The following ATXN1 variants were observed in gnomAD, a reference collection of about 807,000 sequenced individuals.
The protein encoded by ATXN1 is ataxin 1.
ATXN1 carries 8 observed loss-of-function variants against 56.4 expected under a neutral mutation model. That is an observed-to-expected ratio of 0.14 (90% confidence interval 0.08 to 0.26). ATXN1 has a LOEUF of 0.26. Among genes scored for constraint, ATXN1 ranks in the 10% least tolerant of loss-of-function variants. The pLI is 1.00. For synonymous variants in ATXN1, 514 were observed against 494.6 expected (o/e 1.04, Z -0.52); for missense variants, 987 against 1,106.5 (o/e 0.89, Z 1.53).
At chr6:16,526,062 T>TATATAC (rs1561739864) in intron 4 of ATXN1, among the ~76,000 whole-genome samples, 2 of 90,978 alleles carry the variant, frequency 2.2e-5, no homozygotes, top group East Asian at 5.3e-4. Context: ...TATATATATA[T>TATATAC]ATACATACAT....
chr6:16,646,667 C>T (rs1763802831), intron 3 of ATXN1, among the ~76,000 whole-genome samples: 1 of 152,260 alleles, frequency 6.6e-6, no homozygotes, highest in African/African-American at 2.4e-5. Flanking sequence ...GCCTTGCTCC[C>T]AGCTCTGTCA....
intron 6 of ATXN1, among the ~76,000 whole-genome samples, chr6:16,425,214 C>T (rs1339859976): frequency 6.6e-6 from 1 of 152,226 alleles, no homozygotes; most frequent in Non-Finnish European, 1.5e-5. Context: ...CTCAGGACCC[C>T]TCTGTAGCTA....
At chr6:16,662,138 C>T (rs1017773255) in intron 2 of ATXN1, among the ~76,000 whole-genome samples, 2 of 152,302 alleles carry the variant, frequency 1.3e-5, no homozygotes, top group Middle Eastern at 3.4e-3. Flanking sequence ...AGCACACATA[C>T]ATGGTAGAGG....
chr6:16,443,182 T>C (rs922690494), intron 6 of ATXN1, among the ~76,000 whole-genome samples: 1 of 53,854 alleles, frequency 1.9e-5, no homozygotes, highest in Non-Finnish European at 3.4e-5. Flanking sequence ...ACCCTGTCTC[T>C]AAATAAATAA....
chr6:16,498,595 C>T (rs1581803053), intron 5 of ATXN1, among the ~76,000 whole-genome samples: 2 of 152,212 alleles, frequency 1.3e-5, no homozygotes, highest in East Asian at 3.8e-4. Flanking sequence ...CACCATACTA[C>T]ATTCCCACCA....
intron 5 of ATXN1, among the ~76,000 whole-genome samples, chr6:16,513,349 T>A (rs751791926): frequency 6.6e-6 from 1 of 152,192 alleles, no homozygotes; most frequent in Non-Finnish European, 1.5e-5. Flanking sequence ...CAAAAGAATA[T>A]AGATATCACT....
At chr6:16,318,321 T>G (rs1325584593) in intron 7 of ATXN1, among the ~76,000 whole-genome samples, 1 of 152,218 alleles carries the variant, frequency 6.6e-6, no homozygotes, top group Non-Finnish European at 1.5e-5. Context: ...AATTCTCTCA[T>G]AAGCTAGGTT....
chr6:16,740,114 A>C (rs1760281727), intron 2 of ATXN1, among the ~76,000 whole-genome samples: 1 of 152,144 alleles, frequency 6.6e-6, no homozygotes. Context: ...GTCAAGTCTA[A>C]ATGTGAATCA....
intron 7 of ATXN1, among the ~76,000 whole-genome samples, chr6:16,322,878 T>C (rs1333185849): frequency 6.6e-6 from 1 of 152,246 alleles, no homozygotes; most frequent in African/African-American, 2.4e-5. Flanking sequence ...TGACAAATCA[T>C]TGGTTGCGTC....
intron 6 of ATXN1, among the ~76,000 whole-genome samples, chr6:16,444,115 C>CAA (rs59044073): frequency 7.6e-6 from 1 of 131,366 alleles, no homozygotes. Flanking sequence ...GGCTCCGTCT[C>CAA]AAAAAAAAAA....
At chr6:16,638,978 C>T (rs1763652222) in intron 3 of ATXN1, among the ~76,000 whole-genome samples, 1 of 152,156 alleles carries the variant, frequency 6.6e-6, no homozygotes, top group African/African-American at 2.4e-5. Flanking sequence ...ACTTGGAGAA[C>T]TTTTCTGTCT....
At chr6:16,671,359 A>G (rs1282793169) in intron 2 of ATXN1, among the ~76,000 whole-genome samples, 1 of 150,014 alleles carries the variant, frequency 6.7e-6, no homozygotes, top group Non-Finnish European at 1.5e-5. Flanking sequence ...AGTACAAAAG[A>G]GCTACAAAGT....
At chr6:16,355,995 T>C (rs1761677494) in intron 6 of ATXN1, among the ~76,000 whole-genome samples, 3 of 152,248 alleles carry the variant, frequency 2.0e-5, no homozygotes, top group Non-Finnish European at 4.4e-5. Context: ...ATGCCATTGG[T>C]TGGGCTCGTT....
chr6:16,571,724 G>A (rs1177105319), intron 4 of ATXN1, among the ~76,000 whole-genome samples: 3 of 151,934 alleles, frequency 2.0e-5, no homozygotes, highest in African/African-American at 4.8e-5. Context: ...GTAGTGGTGC[G>A]ATCACAGCTC....
At chr6:16,630,764 G>A (rs546664181) in intron 3 of ATXN1, among the ~76,000 whole-genome samples, 3 of 152,228 alleles carry the variant, frequency 2.0e-5, no homozygotes, top group East Asian at 1.9e-4. Context: ...ATATTAAGAC[G>A]ACATGGCAAT....
chr6:16,418,257 G>A (rs1262844654), intron 6 of ATXN1, among the ~76,000 whole-genome samples: 1 of 152,170 alleles, frequency 6.6e-6, no homozygotes, highest in Non-Finnish European at 1.5e-5. Flanking sequence ...AGTAAATATT[G>A]TTCCTGTGTA....
At chr6:16,508,746 C>T (rs1036690630) in intron 5 of ATXN1, among the ~76,000 whole-genome samples, 25 of 152,266 alleles carry the variant, frequency 1.6e-4, no homozygotes, top group African/African-American at 3.1e-4. Flanking sequence ...AGAATTGCCA[C>T]GTGATCCAGC....
chr6:16,417,098 C>T (rs1381968173), intron 6 of ATXN1, among the ~76,000 whole-genome samples: 2 of 152,308 alleles, frequency 1.3e-5, no homozygotes, highest in South Asian at 4.1e-4. Flanking sequence ...GTGGTGTAAT[C>T]ATAGATCACT....
At chr6:16,518,467 C>T (rs1482506496) in intron 5 of ATXN1, among the ~76,000 whole-genome samples, 2 of 152,158 alleles carry the variant, frequency 1.3e-5, no homozygotes, top group African/African-American at 4.8e-5. Context: ...CTGCAGGTGG[C>T]CTGCGACCAG....
Sources: allele counts gnomAD v4.1 joint callset (sites outside exome capture counted in the v4.1 genomes callset), GRCh38; gene constraint gnomAD v4.1.1; transcripts MANE v1.5; gene names NCBI Gene and HGNC (gene_info 2026-07-23, HGNC 2026-07-21).